The following TACC1 variants were observed in gnomAD, a reference collection of about 807,000 sequenced individuals.
The protein encoded by TACC1 is transforming acidic coiled-coil-containing protein 1.
A neutral mutation model predicts 84.4 loss-of-function variants in TACC1; 48 were observed. That is an observed-to-expected ratio of 0.57 (90% CI 0.45 to 0.72). The LOEUF is 0.72. Ranked by LOEUF, TACC1 falls within the 30% of genes least tolerant of loss-of-function variation. The probability of loss-of-function intolerance (pLI) is 0.00; values close to 1 mark genes in which losing one functional copy is unlikely to be tolerated. For missense variants in TACC1, 920 were observed against 973.0 expected, an observed-to-expected ratio of 0.95 and a Z score of 0.72; for synonymous variants, 372 against 376.3, an observed-to-expected ratio of 0.99 and a Z score of 0.13.
At chr8:38,839,088 T>C (rs1411116663) in intron 8 of TACC1, among the ~76,000 whole-genome samples, 1 of 152,044 alleles carries the variant, frequency 6.6e-6, no homozygotes, top group Admixed American at 6.6e-5. Flanking sequence ...GAGGTCTCGC[T>C]CTGTTGCCCA....
chr8:38,754,019 T>C (rs1809553778), intron 3 of TACC1, among the ~76,000 whole-genome samples: 1 of 151,182 alleles, frequency 6.6e-6, no homozygotes, highest in South Asian at 2.1e-4. Flanking sequence ...AGTGGCACGA[T>C]CTCCGTTCAT....
upstream of TACC1, among the ~76,000 whole-genome samples, chr8:38,782,414 C>G (rs1056087178): frequency 6.6e-6 from 1 of 152,062 alleles, no homozygotes; most frequent in Non-Finnish European, 1.5e-5. Context: ...TTAATCCAGT[C>G]TATCATTGTT....
Position 38,808,047 on chromosome 8 carries a change from A to G in TACC1, c.278-11475A>G, listed in dbSNP as rs77000319. On this transcript the variant is annotated intron_variant, in intron 2 of 12. Transcript: ENST00000317827. The stretch of plus-strand genomic sequence containing the variant: ...GGGCCAGAAGTGGAAATTTTGGTCT[A>G]TTTGTGGATTTCCTCTGTGTTTGCT... Among the ~76,000 whole-genome samples the G allele has an allele frequency of 8.5e-4, 130 of 152,300 alleles. 1 individual carries two copies. Among genetic ancestry groups the G allele is most frequent in the East Asian group, 7.5e-3 (39 of 5,186 alleles).
At chr8:38,817,102 C>T (rs1248401152) in intron 2 of TACC1, among the ~76,000 whole-genome samples, 2 of 152,180 alleles carry the variant, frequency 1.3e-5, no homozygotes, top group Non-Finnish European at 2.9e-5. Flanking sequence ...TTTTATTATA[C>T]CACCTGTGTT....
intron 1 of TACC1, among the ~76,000 whole-genome samples, chr8:38,735,081 T>C (rs1391690813): frequency 6.6e-6 from 1 of 152,164 alleles, no homozygotes; most frequent in East Asian, 1.9e-4. Context: ...AATAGATGCA[T>C]CTTAGTTCAT....
chr8:38,781,971 A>C (rs1420999109), intron 3 of TACC1, among the ~76,000 whole-genome samples: 1 of 150,116 alleles, frequency 6.7e-6, no homozygotes, highest in Non-Finnish European at 1.5e-5. Flanking sequence ...CATTCTTGTA[A>C]ATCTTTATTT....
At chr8:38,806,456 GTGTGTA>G (rs1822731646) in intron 2 of TACC1, among the ~76,000 whole-genome samples, 1 of 151,976 alleles carries the variant, frequency 6.6e-6, no homozygotes. Context: ...GCCTGTGTGT[GTGTGTA>G]TGTGTGTGTG....
rs1826491629 is a variant in TACC1 at position 38,820,420 on chromosome 8, C to A, written c.1176C>A (p.Pro392=). Residue 392 remains proline, a synonymous_variant, in exon 3 of 13, where the codon CCC becomes CCA. Coordinates refer to ENST00000317827, the MANE Select transcript of TACC1 (RefSeq NM_006283.3). ...SKPDPSQWES[P]SFNPFGSHSV... Reference sequence around the variant, plus strand: ...CAGATCCTAGTCAGTGGGAAAGCCCCAGCTTCAACCCCTTTGGGAGCCACT... The same window carrying A: ...CAGATCCTAGTCAGTGGGAAAGCCCAAGCTTCAACCCCTTTGGGAGCCACT... 6.2e-7 allele frequency: 1 copy of A among 1,614,066 alleles called. No homozygotes were observed. The highest frequency in any genetic ancestry group is 1.3e-5 in the African/African-American group (1 of 74,932).
intron 2 of TACC1, among the ~76,000 whole-genome samples, chr8:38,790,681 C>T (rs189666757): frequency 5.3e-5 from 8 of 152,310 alleles, no homozygotes; most frequent in Admixed American, 5.2e-4. Flanking sequence ...TCAAGTTACT[C>T]TGGTAATAGA....
At chr8:38,786,543 A>T (rs929658228), upstream of TACC1, among the ~76,000 whole-genome samples, 6 of 152,194 alleles carry the variant, frequency 3.9e-5, no homozygotes, top group Non-Finnish European at 5.9e-5. Flanking sequence ...TCTGTATTTT[A>T]AATAAATAAA....
chr8:38,745,536 T>C lies in TACC1; in HGVS notation c.26+43T>C, dbSNP rs574848963. On this transcript the variant is annotated intron_variant, in intron 3 of 14. Transcript: ENST00000518415. ...TGTTTTCTTGTTTTTTTTCTGTTTGTTTGTTTGTTTTTGTTTTTGTTTTTT... is the reference window on the plus strand; with the variant it reads ...TGTTTTCTTGTTTTTTTTCTGTTTGCTTGTTTGTTTTTGTTTTTGTTTTTT... 6.5e-5 allele frequency: 44 copies of C among 677,372 alleles called. No individual in the cohort carries two copies. The South Asian group carries it at 7.0e-4, about 11-fold the overall frequency. 42.0% of individuals were successfully genotyped at this position (677,372 alleles called of 1,614,324 possible).
At position 38,823,225 on chromosome 8, in the gene TACC1, G is replaced by A. The variant is rs574810435; in HGVS notation, c.1392-2083G>A. Among the ~76,000 whole-genome samples, 35 of 152,322 alleles carry A rather than the reference G, an allele frequency of 2.3e-4. 1 individual carries two copies. The highest frequency in any genetic ancestry group is 2.2e-3 in the Admixed American group (33 of 15,300). Reference sequence around the variant, plus strand: ...TCCTCAGCAGCCCCGGAATGGCTAAGGGGAGTGAAATGTCATTAGTAGCTC... The same window carrying A: ...TCCTCAGCAGCCCCGGAATGGCTAAAGGGAGTGAAATGTCATTAGTAGCTC... On this transcript the variant is annotated intron_variant, in intron 3 of 12. Transcript: ENST00000317827.
intron 2 of TACC1, among the ~76,000 whole-genome samples, chr8:38,818,486 C>G (rs897538937): frequency 6.6e-6 from 1 of 152,172 alleles, no homozygotes; most frequent in Non-Finnish European, 1.5e-5. Flanking sequence ...CCTAGTAAGA[C>G]CACAATTAAA....
intron 3 of TACC1, among the ~76,000 whole-genome samples, chr8:38,747,771 T>C (rs953729325): frequency 2.0e-5 from 3 of 152,218 alleles, no homozygotes; most frequent in African/African-American, 7.2e-5. Context: ...TCATGGTGGC[T>C]ATATGTACAT....
At chr8:38,804,140 T>A (rs1244018638) in intron 2 of TACC1, among the ~76,000 whole-genome samples, 6 of 152,196 alleles carry the variant, frequency 3.9e-5, no homozygotes, top group Non-Finnish European at 7.3e-5. Context: ...TTAGGTAATG[T>A]TTATGGAAGT....
upstream of TACC1, among the ~76,000 whole-genome samples, chr8:38,786,868 A>C (rs2151974482): frequency 6.6e-6 from 1 of 152,012 alleles, no homozygotes; most frequent in South Asian, 2.1e-4. Context: ...TGTGCAGTCC[A>C]ATATCACCAT....
At chr8:38,784,418 T>G (rs935858967), upstream of TACC1, among the ~76,000 whole-genome samples, 1 of 151,908 alleles carries the variant, frequency 6.6e-6, no homozygotes, top group Admixed American at 6.6e-5. Context: ...AATAAAAAAA[T>G]TAGCTGGGCA....
intron 4 of TACC1, among the ~76,000 whole-genome samples, chr8:38,826,699 T>G (rs554098769): frequency 6.6e-6 from 1 of 152,266 alleles, no homozygotes; most frequent in South Asian, 2.1e-4. Flanking sequence ...TCATTTAAAT[T>G]TACATATGGT....
At chr8:38,733,321 A>G (rs1013645811) in intron 1 of TACC1, among the ~76,000 whole-genome samples, 1 of 149,994 alleles carries the variant, frequency 6.7e-6, no homozygotes, top group Non-Finnish European at 1.5e-5. Context: ...TTTTTGGTCC[A>G]TCAGAACCCC....
Sources: allele counts gnomAD v4.1 joint callset (sites outside exome capture counted in the v4.1 genomes callset), GRCh38; gene constraint gnomAD v4.1.1; transcripts MANE v1.5; gene names NCBI Gene and HGNC (gene_info 2026-07-23, HGNC 2026-07-21).